AGBL4: variants seen among roughly 807,000 people sequenced by gnomAD.
The protein encoded by AGBL4 is cytosolic carboxypeptidase 6.
Under a neutral mutation model 66.4 loss-of-function variants are expected in AGBL4, and 58 were observed. That is an observed-to-expected ratio of 0.87 (90% CI 0.71 to 1.09). AGBL4 has a LOEUF of 1.09. Ranked by LOEUF, AGBL4 falls within the 50% of genes least tolerant of loss-of-function variation. The pLI, the probability that AGBL4 is intolerant of heterozygous loss-of-function variation, is 0.00. For synonymous variants in AGBL4, 234 were observed against 222.9 expected (o/e 1.05, Z -0.44); for missense variants, 579 against 631.0 (o/e 0.92, Z 0.88).
intron 3 of AGBL4, among the ~76,000 whole-genome samples, chr1:49,587,565 C>T (rs996489511): frequency 1.3e-5 from 2 of 152,092 alleles, no homozygotes; most frequent in South Asian, 2.1e-4. Context: ...ATTAAATACC[C>T]GCTAGCTGGA....
At chr1:48,589,618 C>G (rs1644881298) in intron 10 of AGBL4, among the ~76,000 whole-genome samples, 1 of 152,218 alleles carries the variant, frequency 6.6e-6, no homozygotes, top group Non-Finnish European at 1.5e-5. Context: ...CACAGCCTCT[C>G]TAGTTCTCAG....
At chr1:49,196,126 T>A (rs1001537714) in intron 4 of AGBL4, among the ~76,000 whole-genome samples, 6 of 152,200 alleles carry the variant, frequency 3.9e-5, no homozygotes, top group African/African-American at 9.6e-5. Flanking sequence ...AATTACCCAA[T>A]CTCAAGTACT....
Position 49,649,968 on chromosome 1 carries a change from T to C in AGBL4, c.282+47345A>G, listed in dbSNP as rs571269083. Among the ~76,000 whole-genome samples, 36 of 152,254 alleles carry C rather than the reference T, an allele frequency of 2.4e-4. 1 individual carries two copies. The highest frequency in any genetic ancestry group is 4.9e-4 in the Non-Finnish European group (33 of 68,008). ...AAAATGAAAGGACAACTCATCAAAA[T>C]TTGTGGGATGTATCAAAAGCAGGAG... On this transcript the variant is annotated intron_variant, in intron 3 of 13. Coordinates refer to ENST00000371839, the MANE Select transcript of AGBL4 (RefSeq NM_032785.4).
At chr1:50,017,251 A>G (rs1428185491) in intron 1 of AGBL4, 2 of 152,096 alleles carry the variant, frequency 1.3e-5, no homozygotes, top group African/African-American at 4.8e-5. Context: ...AATAATAATA[A>G]CGGCCCTAGT....
At chr1:49,603,240 G>A (rs1644996280) in intron 3 of AGBL4, among the ~76,000 whole-genome samples, 1 of 152,140 alleles carries the variant, frequency 6.6e-6, no homozygotes, top group South Asian at 2.1e-4. Flanking sequence ...TGTCCACTGA[G>A]CATCCATCTG....
At chr1:49,154,205 A>G (rs1271671352) in intron 4 of AGBL4, among the ~76,000 whole-genome samples, 3 of 152,102 alleles carry the variant, frequency 2.0e-5, no homozygotes, top group African/African-American at 7.2e-5. Context: ...CATCAGGAAA[A>G]GAGCTCTGGA....
At chr1:49,947,193 A>G (rs968955682) in intron 1 of AGBL4, among the ~76,000 whole-genome samples, 1 of 152,076 alleles carries the variant, frequency 6.6e-6, no homozygotes, top group Non-Finnish European at 1.5e-5. Flanking sequence ...AAATCATTCT[A>G]TGAAGCCAAT....
At chr1:48,821,434 C>A (rs749533829) in intron 6 of AGBL4, among the ~76,000 whole-genome samples, 2 of 152,110 alleles carry the variant, frequency 1.3e-5, no homozygotes, top group Non-Finnish European at 2.9e-5. Flanking sequence ...GAAATCATGT[C>A]CTTTGCAGCA....
chr1:49,403,538 G>T (rs1337466040), intron 3 of AGBL4, among the ~76,000 whole-genome samples: 1 of 152,006 alleles, frequency 6.6e-6, no homozygotes, highest in Non-Finnish European at 1.5e-5. Context: ...ACAGCTATTT[G>T]AATTTTCTGT....
At chr1:49,177,218 C>T (rs184187799) in intron 4 of AGBL4, among the ~76,000 whole-genome samples, 1 of 152,214 alleles carries the variant, frequency 6.6e-6, no homozygotes, top group East Asian at 1.9e-4. Context: ...AGTACAGAAA[C>T]ATAAAAATAA....
At chr1:48,691,385 G>A (rs1328244027) in intron 6 of AGBL4, among the ~76,000 whole-genome samples, 1 of 152,236 alleles carries the variant, frequency 6.6e-6, no homozygotes, top group African/African-American at 2.4e-5. Flanking sequence ...GCTAGTGGCT[G>A]TGTATTGGAC....
chr1:49,311,707 A>C (rs1644944688), intron 3 of AGBL4, among the ~76,000 whole-genome samples: 1 of 152,044 alleles, frequency 6.6e-6, no homozygotes, highest in African/African-American at 2.4e-5. Context: ...AACTTCAATA[A>C]AAATTTCAAA....
At chr1:49,311,518 T>C (rs1165825580) in intron 3 of AGBL4, among the ~76,000 whole-genome samples, 1 of 151,972 alleles carries the variant, frequency 6.6e-6, no homozygotes, top group African/African-American at 2.4e-5. Flanking sequence ...TTATGCCTAA[T>C]AGCAACAAAA....
At chr1:49,947,197 A>C (rs548571022) in intron 1 of AGBL4, among the ~76,000 whole-genome samples, 1 of 152,144 alleles carries the variant, frequency 6.6e-6, no homozygotes, top group East Asian at 1.9e-4. Context: ...CATTCTATGA[A>C]GCCAATATCA....
intron 9 of AGBL4, among the ~76,000 whole-genome samples, chr1:48,611,874 GAAAC>G (rs1215399464): frequency 1.3e-5 from 2 of 152,196 alleles, no homozygotes; most frequent in Non-Finnish European, 2.9e-5. Flanking sequence ...TCCCTAGTCT[GAAAC>G]AAACAAACAA....
At chr1:49,513,342 G>C (rs1445250759) in intron 3 of AGBL4, among the ~76,000 whole-genome samples, 1 of 151,948 alleles carries the variant, frequency 6.6e-6, no homozygotes, top group Non-Finnish European at 1.5e-5. Flanking sequence ...AATATTGCAT[G>C]ATGCTGGGAT....
At chr1:48,706,801 T>A (rs1646887622) in intron 6 of AGBL4, among the ~76,000 whole-genome samples, 1 of 152,214 alleles carries the variant, frequency 6.6e-6, no homozygotes, top group Non-Finnish European at 1.5e-5. Flanking sequence ...GGTTCCCACA[T>A]CTGAATCCAG....
At chr1:48,788,685 C>T (rs1645466416) in intron 6 of AGBL4, among the ~76,000 whole-genome samples, 1 of 152,136 alleles carries the variant, frequency 6.6e-6, no homozygotes, top group Non-Finnish European at 1.5e-5. Context: ...GATGCCCTGC[C>T]TTATGTCCTA....
intron 4 of AGBL4, among the ~76,000 whole-genome samples, chr1:49,096,779 T>G (rs1056747810): frequency 1.1e-4 from 17 of 151,870 alleles, no homozygotes; most frequent in Non-Finnish European, 2.1e-4. Context: ...ACATGGCACA[T>G]GTATACATAT....
Sources: allele counts gnomAD v4.1 joint callset (sites outside exome capture counted in the v4.1 genomes callset), GRCh38; gene constraint gnomAD v4.1.1; transcripts MANE v1.5; gene names NCBI Gene and HGNC (gene_info 2026-07-23, HGNC 2026-07-21).